The following NKAIN3 variants were observed in gnomAD, a reference collection of about 807,000 sequenced individuals.
The protein encoded by NKAIN3 is sodium/potassium-transporting ATPase subunit beta-1-interacting protein 3.
NKAIN3 carries 25 observed loss-of-function variants against 30.2 expected under a neutral mutation model. The ratio of observed to expected loss-of-function variants is 0.83; its 90% confidence interval spans 0.60 to 1.16. NKAIN3 has a LOEUF of 1.16. NKAIN3 is among the 50% of genes most tolerant of loss of function. NKAIN3 has a pLI of 0.00. For missense variants in NKAIN3, 225 were observed against 254.1 expected (o/e 0.89, Z 0.78); for synonymous variants, 91 against 89.6 (o/e 1.02, Z -0.09).
intron 1 of NKAIN3, among the ~76,000 whole-genome samples, chr8:62,334,269 A>G (rs1012620349): frequency 2.6e-4 from 40 of 152,138 alleles, no homozygotes; most frequent in Non-Finnish European, 1.3e-4. Context: ...CTAGAAGTCC[A>G]GAATCAAGAT....
chr8:62,993,110 G>A (rs1022880830), intron 5 of NKAIN3, among the ~76,000 whole-genome samples: 2 of 152,052 alleles, frequency 1.3e-5, no homozygotes, highest in African/African-American at 4.8e-5. Context: ...ATTGCATGGG[G>A]AAATTTTTAG....
In NKAIN3 at chr8:62,965,503, C is replaced by A; in HGVS notation, c.*96C>A. On this transcript the variant is annotated 3_prime_UTR_variant, in exon 7 of 7. Transcript: ENST00000623646. ...TGTGCTTCCTGGCTTTCCCACGAAT[C>A]ATGGAGCATTTTGGTCACAGCCTTT... The A allele has an allele frequency of 1.3e-5, 13 of 985,174 alleles. No individual in the cohort carries two copies. The highest frequency in any genetic ancestry group is 1.6e-5 in the Non-Finnish European group (13 of 829,860). 61.0% of individuals were successfully genotyped at this position (985,174 alleles called of 1,614,324 possible). A position where few individuals can be genotyped will look rare whatever the true frequency, so the allele number is the denominator to read the frequency against.
At position 62,573,910 on chromosome 8, in the gene NKAIN3, T is replaced by C. The variant is rs564079163; in HGVS notation, c.55-5629T>C. 6.0e-4 allele frequency among the ~76,000 whole-genome samples: 92 copies of C among 152,304 alleles called. No individual in the cohort carries two copies. The East Asian group carries it at 0.014, about 24-fold the overall frequency. The stretch of plus-strand genomic sequence containing the variant: ...TCTAATTATACTTTTGTAGCTATTT[T>C]AAAATGTACAATTAAATTATTACTT... On this transcript the variant is annotated intron_variant, in intron 1 of 6. Transcript: ENST00000623646.
intron 1 of NKAIN3, among the ~76,000 whole-genome samples, chr8:62,338,414 A>T (rs62509165): frequency 1.9e-4 from 29 of 152,012 alleles, no homozygotes; most frequent in Non-Finnish European, 1.8e-4. Context: ...CAAATCTTCC[A>T]TTATGGAACT....
intron 1 of NKAIN3, among the ~76,000 whole-genome samples, chr8:62,354,104 AT>A (rs1167637590): frequency 3.3e-5 from 5 of 152,230 alleles, no homozygotes; most frequent in African/African-American, 1.2e-4. Flanking sequence ...AGGAGACACC[AT>A]GAATATCTCA....
intron 4 of NKAIN3, among the ~76,000 whole-genome samples, chr8:62,821,666 C>A (rs904256488): frequency 5.3e-5 from 8 of 152,182 alleles, no homozygotes; most frequent in African/African-American, 1.9e-4. Flanking sequence ...TGATCTACAT[C>A]TTTAACAAAG....
intron 3 of NKAIN3, among the ~76,000 whole-genome samples, chr8:62,725,651 G>T (rs1212488479): frequency 6.6e-6 from 1 of 152,008 alleles, no homozygotes; most frequent in Non-Finnish European, 1.5e-5. Flanking sequence ...TGTCAAAAAT[G>T]AGTTAACTGT....
At position 62,642,884 on chromosome 8, in the gene NKAIN3, A is replaced by G. The variant is rs917965226; in HGVS notation, c.273+53090A>G. Among the ~76,000 whole-genome samples the G allele has an allele frequency of 6.6e-5, 10 of 152,150 alleles. 1 individual carries two copies. The highest frequency in any genetic ancestry group is 5.9e-4 in the Admixed American group (9 of 15,266). ...GAAAGACTTGTTAGTAAATACAAAA[A>G]GAGGCATGCATTTTCTATAATAAGA... On this transcript the variant is annotated intron_variant, in intron 3 of 6. Transcript: ENST00000623646.
intron 1 of NKAIN3, among the ~76,000 whole-genome samples, chr8:62,353,761 A>G (rs1167079839): frequency 6.6e-6 from 1 of 152,176 alleles, no homozygotes; most frequent in Non-Finnish European, 1.5e-5. Flanking sequence ...GTGAGTAACT[A>G]ATTTTTCTTA....
At chr8:62,373,115 C>T (rs1563369693) in intron 1 of NKAIN3, among the ~76,000 whole-genome samples, 1 of 152,116 alleles carries the variant, frequency 6.6e-6, no homozygotes, top group Admixed American at 6.5e-5. Context: ...CATTATGTAG[C>T]TATTTAAGGT....
chr8:62,804,347 A>T (rs1818193334), intron 4 of NKAIN3, among the ~76,000 whole-genome samples: 2 of 152,216 alleles, frequency 1.3e-5, no homozygotes, highest in Non-Finnish European at 1.5e-5. Flanking sequence ...GACACAACCA[A>T]AAAAGAGAAT....
At chr8:62,911,149 T>C (rs915752475) in intron 4 of NKAIN3, among the ~76,000 whole-genome samples, 2 of 152,238 alleles carry the variant, frequency 1.3e-5, no homozygotes, top group East Asian at 1.9e-4. Context: ...AGAAGTATTA[T>C]ATTTTTTCCA....
chr8:62,935,886 T>TTCAGAATCCAG (rs1339245493), intron 5 of NKAIN3, among the ~76,000 whole-genome samples: 1 of 151,974 alleles, frequency 6.6e-6, no homozygotes, highest in East Asian at 1.9e-4. Context: ...AAAACAGAAT[T>TTCAGAATCCAG]TCAGAATCCA....
Position 62,701,498 on chromosome 8 carries a change from G to A in NKAIN3, c.274-45434G>A, listed in dbSNP as rs565245666. 6.2e-4 allele frequency among the ~76,000 whole-genome samples: 94 copies of A among 152,280 alleles called. 1 individual carries two copies. The South Asian group carries it at 0.019, about 31-fold the overall frequency. ...GACGTGGCAGGCAGTGAAACATCAA[G>A]CAAGGAAGTATCCTCGCAGGCCAGT... On this transcript the variant is annotated intron_variant, in intron 3 of 6. Coordinates refer to ENST00000623646, the MANE Select transcript of NKAIN3 (RefSeq NM_001304533.3).
At chr8:62,355,362 T>A (rs532961966) in intron 1 of NKAIN3, among the ~76,000 whole-genome samples, 1 of 152,318 alleles carries the variant, frequency 6.6e-6, no homozygotes, top group Non-Finnish European at 1.5e-5. Flanking sequence ...TTTCTAAATA[T>A]CCAGGTTGTT....
At chr8:62,733,905 T>C (rs977277257) in intron 3 of NKAIN3, among the ~76,000 whole-genome samples, 5 of 152,238 alleles carry the variant, frequency 3.3e-5, no homozygotes, top group African/African-American at 4.8e-5. Flanking sequence ...AATTATGTTT[T>C]TAATCTCTAG....
intron 5 of NKAIN3, among the ~76,000 whole-genome samples, chr8:62,921,007 G>A (rs1025570074): frequency 6.6e-6 from 1 of 152,126 alleles, no homozygotes; most frequent in Non-Finnish European, 1.5e-5. Flanking sequence ...GCAGATGTGA[G>A]CAAAAAGTAA....
chr8:62,817,263 C>T (rs1225703293), intron 4 of NKAIN3, among the ~76,000 whole-genome samples: 1 of 152,090 alleles, frequency 6.6e-6, no homozygotes, highest in Non-Finnish European at 1.5e-5. Context: ...GTTTAAAGTT[C>T]TTGTCACAAC....
intron 5 of NKAIN3, among the ~76,000 whole-genome samples, chr8:62,944,911 G>T (rs1400855086): frequency 6.6e-6 from 1 of 152,110 alleles, no homozygotes; most frequent in Non-Finnish European, 1.5e-5. Flanking sequence ...TCCAATATTT[G>T]GTGCTAGTAT....
Sources: allele counts gnomAD v4.1 joint callset (sites outside exome capture counted in the v4.1 genomes callset), GRCh38; gene constraint gnomAD v4.1.1; transcripts MANE v1.5; gene names NCBI Gene and HGNC (gene_info 2026-07-23, HGNC 2026-07-21).